Variants in CSNK2A1 observed in about 807,000 individuals in gnomAD.
CSNK2A1 encodes casein kinase 2 alpha 1.
A neutral mutation model predicts 62.9 loss-of-function variants in CSNK2A1; 10 were observed. The ratio of observed to expected loss-of-function variants is 0.16; its 90% confidence interval spans 0.10 to 0.27. The LOEUF is 0.27. Ranked by LOEUF, CSNK2A1 falls within the 10% of genes least tolerant of loss-of-function variation. The probability of loss-of-function intolerance (pLI) is 1.00; values close to 1 mark genes in which losing one functional copy is unlikely to be tolerated. For missense variants in CSNK2A1, 160 were observed against 492.0 expected (o/e 0.33, Z 6.38); for synonymous variants, 124 against 167.8 (o/e 0.74, Z 2.02).
At chr20:539,412 C>T (rs940921270) in intron 1 of CSNK2A1, 1 of 152,234 alleles carries the variant, frequency 6.6e-6, no homozygotes, top group Non-Finnish European at 1.5e-5. Flanking sequence ...CTGCATTCCC[C>T]GTCTCACACT....
intron 3 of CSNK2A1, among the ~76,000 whole-genome samples, chr20:505,642 G>T (rs6052520): frequency 6.6e-6 from 1 of 150,450 alleles, no homozygotes; most frequent in Non-Finnish European, 1.5e-5. Context: ...GATTACAGGC[G>T]TGAGCCACCG....
intron 3 of CSNK2A1, among the ~76,000 whole-genome samples, chr20:505,439 C>A (rs997614204): frequency 2.5e-4 from 37 of 146,422 alleles, no homozygotes; most frequent in Admixed American, 3.4e-4. Flanking sequence ...TGCTGACTGC[C>A]AGCTCCACCT....
chr20:499,335 A>G lies in CSNK2A1; in HGVS notation c.316-30T>C. 6.2e-7 allele frequency: 1 copy of G among 1,600,872 alleles called. No homozygotes were observed. The highest frequency in any genetic ancestry group is 1.1e-5 in the South Asian group (1 of 88,226). ...GGGAAAAGAACAAAAACAAAAACAC[A>G]CATTAGCAATAGCCCTGACAGCTTT... On this transcript the variant is annotated intron_variant, in intron 5 of 13. Transcript: ENST00000217244. The surrounding 1 kb of genome is among the most constrained non-coding windows in gnomAD (Gnocchi z 4.2).
chr20:490,335 C>CTTTTTTTTTTTTTTTTTTTTTTTTTTTT (rs907727482), intron 9 of CSNK2A1, among the ~76,000 whole-genome samples: 2 of 84,800 alleles, frequency 2.4e-5, no homozygotes, highest in South Asian at 4.1e-4. Flanking sequence ...CTAGTTTTTT[C>CTTTTTTTTTTTTTTTTTTTTTTTTTTTT]TTTTTTTTTT....
Position 487,579 on chromosome 20 carries a change from C to T in CSNK2A1, c.825-4G>A, listed in dbSNP as rs377604014. 26 of 1,614,052 alleles carry T rather than the reference C, an allele frequency of 1.6e-5. No homozygotes were observed. The highest frequency in any genetic ancestry group is 2.0e-5 in the Non-Finnish European group (24 of 1,180,046). ...TTCCCATCGCTTTCGAGAGTGTCTG[C>T]AGGACCAAAAGAGGGCATGAGAAAT... On this transcript the variant is annotated splice_polypyrimidine_tract_variant and splice_region_variant and intron_variant, in intron 11 of 13. Coordinates refer to ENST00000217244, the MANE Select transcript of CSNK2A1 (RefSeq NM_177559.3).
chr20:537,849 T>C (rs1464552592), intron 1 of CSNK2A1, among the ~76,000 whole-genome samples: 1 of 152,220 alleles, frequency 6.6e-6, no homozygotes. Flanking sequence ...TACTAAGCCC[T>C]TACCTAATTC....
At position 523,858 on chromosome 20, in the gene CSNK2A1, C is replaced by CAAAAAA. The variant is rs11401840; in HGVS notation, c.-110+4069_-110+4074dup. Among the ~76,000 whole-genome samples, 112 of 45,500 alleles carry CAAAAAA rather than the reference C, an allele frequency of 2.5e-3. 7 individuals are homozygous for CAAAAAA. Among genetic ancestry groups the CAAAAAA allele is most frequent in the African/African-American group, 8.9e-3 (97 of 10,896 alleles). 29.8% of individuals were successfully genotyped at this position (45,500 alleles called of 152,430 possible). On this transcript the variant is annotated intron_variant, in intron 2 of 13. Transcript: ENST00000217244. ...TGGGCGACAGAGCAAGACTCCATCT[C>CAAAAAA]AAAAAAAAAAAAAAAAAAAAAAACT...
rs1169559937 is a variant in CSNK2A1, at chr20:476,883, T to G, written c.*7078A>C. 1 of 152,242 alleles carries G rather than the reference T, an allele frequency of 6.6e-6. No individual in the cohort carries two copies. Among genetic ancestry groups the G allele is most frequent in the Non-Finnish European group, 1.5e-5 (1 of 68,104 alleles). 9.4% of individuals were successfully genotyped at this position (152,242 alleles called of 1,614,324 possible). A position where few individuals can be genotyped will look rare whatever the true frequency, so the allele number is the denominator to read the frequency against. ...ACTGCACCCAGCCTGTTAAATCTTT[T>G]TTTCAATTAATAACAACTTCTTTTA... On this transcript the variant is annotated 3_prime_UTR_variant, in exon 14 of 14. Transcript: ENST00000217244.
At chr20:540,135 T>C (rs1343864029) in intron 1 of CSNK2A1, 1 of 152,236 alleles carries the variant, frequency 6.6e-6, no homozygotes, top group African/African-American at 2.4e-5. Flanking sequence ...TGAGTAGTTT[T>C]ATCAGCCTGC....
intron 8 of CSNK2A1, 192 bp from the exon 9 acceptor site, chr20:492,556 T>A (rs2018257493): frequency 1.7e-6 from 1 of 597,288 alleles, no homozygotes; most frequent in Non-Finnish European, 2.9e-6. Context: ...ATTTTGTTCC[T>A]GGAAGACACA....
chr20:543,636 C>T, intron 1 of CSNK2A1, 36 bp downstream of exon 1: 2 of 397,754 alleles, frequency 5.0e-6, no homozygotes, highest in Non-Finnish European at 8.9e-6. Context: ...GCCCACCCCA[C>T]CCGCCAACGA....
chr20:495,602 A>G (rs2018329982), intron 8 of CSNK2A1, 117 bp downstream of exon 8: 1 of 754,812 alleles, frequency 1.3e-6, no homozygotes, highest in Non-Finnish European at 2.2e-6. Flanking sequence ...TTCACCAAAT[A>G]TTTCTCAACT....
Position 486,413 on chromosome 20 carries a change from C to T in CSNK2A1, c.1023G>A (p.Gly341=), listed in dbSNP as rs1409178586. The T allele has an allele frequency of 1.2e-6, 2 of 1,612,816 alleles. No individual in the cohort carries two copies. Among genetic ancestry groups the T allele is most frequent in the Non-Finnish European group, 1.7e-6 (2 of 1,179,612 alleles). The change falls in exon 13 of 14, where the codon GGG becomes GGA. Residue 341 remains glycine, a synonymous_variant. Transcript: ENST00000217244. Reference sequence around the variant, plus strand: ...TGGCGCTGCTGACGGGCGTACTGCCCCCTGGCATGCTAGATGAACCCATTC... The same window carrying T: ...TGGCGCTGCTGACGGGCGTACTGCCTCCTGGCATGCTAGATGAACCCATTC... The part of the protein sequence containing the change: ...QARMGSSSMP[G]GSTPVSSANM...
intron 4 of CSNK2A1, 135 bp from the exon 5 acceptor site, chr20:500,069 C>T (rs1335395075): frequency 1.5e-6 from 1 of 662,124 alleles, no homozygotes; most frequent in Non-Finnish European, 2.6e-6. Context: ...GTGTCACATT[C>T]GTCTCTGAAT....
chr20:499,233 AAC>A lies in CSNK2A1; in HGVS notation c.366+20_366+21del. ...GTGGTCTAAAAACCCACTAGCCCGA[AAC>A]AGTTGGTTATATATTATACCTTGAA... On this transcript the variant is annotated intron_variant, in intron 6 of 13. Coordinates refer to ENST00000217244, the MANE Select transcript of CSNK2A1 (RefSeq NM_177559.3). The surrounding 1 kb of genome is among the most constrained non-coding windows in gnomAD (Gnocchi z 4.2). 1 of 1,578,892 alleles carries A rather than the reference AAC, an allele frequency of 6.3e-7. No individual in the cohort carries two copies. Among genetic ancestry groups the A allele is most frequent in the African/African-American group, 1.4e-5 (1 of 73,626 alleles).
intron 1 of CSNK2A1, among the ~76,000 whole-genome samples, chr20:542,741 T>A (rs1018262499): frequency 3.3e-5 from 5 of 152,226 alleles, no homozygotes; most frequent in Non-Finnish European, 7.3e-5. Flanking sequence ...CTCTTCTTAG[T>A]TTTCATTTCC....
Position 499,370 on chromosome 20 carries a change from A to G in CSNK2A1, c.316-65T>C, listed in dbSNP as rs2122543161. On this transcript the variant is annotated intron_variant, in intron 5 of 13. Transcript: ENST00000217244. The surrounding 1 kb of genome is among the most constrained non-coding windows in gnomAD (Gnocchi z 4.2). ...TAGCCCTGACAGCTTTAATGGGGAC[A>G]ATGTTTGCGGATGCTGCGTGGTGAA... The G allele has an allele frequency of 4.0e-6, 6 of 1,509,374 alleles. No individual in the cohort carries two copies. The highest frequency in any genetic ancestry group is 5.4e-6 in the Non-Finnish European group (6 of 1,104,594). 93.5% of individuals were successfully genotyped at this position (1,509,374 alleles called of 1,614,324 possible).
intron 4 of CSNK2A1, 148 bp downstream of exon 4, chr20:504,970 T>C: frequency 1.6e-6 from 1 of 643,316 alleles, no homozygotes; most frequent in Non-Finnish European, 2.6e-6. Context: ...TAAGCAGAAC[T>C]TGTTCTATTG....
Position 480,858 on chromosome 20 carries a change from A to G in CSNK2A1, c.*3103T>C, listed in dbSNP as rs933536415. On this transcript the variant is annotated 3_prime_UTR_variant, in exon 14 of 14. Transcript: ENST00000217244. ...AAAGTTAAAAACTAAGAAGAAATTA[A>G]AATTCCCAAATCTGTCAACCAATCT... 6.6e-6 allele frequency: 1 copy of G among 152,222 alleles called. No homozygotes were observed. The highest frequency in any genetic ancestry group is 1.5e-5 in the Non-Finnish European group (1 of 68,050). The allele number at this position is 152,222 out of a possible 1,614,324, so 9.4% of individuals were successfully genotyped here.
Sources: gnomAD v4.1 joint callset for allele counts (sites outside exome capture counted in the v4.1 genomes callset) on GRCh38, gnomAD v4.1.1 for gene constraint, Gnocchi (gnomAD v3.1) non-coding constraint, MANE v1.5 for transcripts, NCBI Gene and HGNC (gene_info 2026-07-23, HGNC 2026-07-21) for gene names.